ARB2A: variants seen among roughly 807,000 people sequenced by gnomAD.
The protein encoded by ARB2A is cotranscriptional regulator ARB2A.
chr5:93,725,809 T>G, the ARB2A span, among the ~76,000 whole-genome samples: 1 of 152,070 alleles, frequency 6.6e-6, no homozygotes, highest in Non-Finnish European at 1.5e-5. Context: ...AGGATTAATA[T>G]GAAGAACTAA....
the ARB2A span, among the ~76,000 whole-genome samples, chr5:94,105,257 A>G: frequency 1.3e-5 from 2 of 152,110 alleles, no homozygotes; most frequent in South Asian, 2.1e-4. Flanking sequence ...TCTCTACCCA[A>G]TGGTTCCTAG....
chr5:94,064,617 A>T, the ARB2A span, among the ~76,000 whole-genome samples: 4 of 152,236 alleles, frequency 2.6e-5, no homozygotes, highest in African/African-American at 7.2e-5. Context: ...CTTAGAAGGG[A>T]ACTTCTATCA....
the ARB2A span, among the ~76,000 whole-genome samples, chr5:93,811,158 T>C: frequency 6.6e-6 from 1 of 152,062 alleles, no homozygotes; most frequent in African/African-American, 2.4e-5. Context: ...TAGTTGGTAT[T>C]AGAAGACCGC....
the ARB2A span, among the ~76,000 whole-genome samples, chr5:93,642,537 AATTTTTTGT>A: frequency 6.6e-6 from 1 of 151,972 alleles, no homozygotes; most frequent in African/African-American, 2.4e-5. Context: ...ACGCCTGGCT[AATTTTTTGT>A]ATTTTTTGTA....
the ARB2A span, among the ~76,000 whole-genome samples, chr5:93,945,407 T>G: frequency 7.2e-6 from 1 of 139,314 alleles, no homozygotes; most frequent in African/African-American, 2.7e-5. Context: ...AGAGCAAGAT[T>G]CCATCTCAAA....
chr5:93,838,873 A>G, the ARB2A span, among the ~76,000 whole-genome samples: 1 of 152,094 alleles, frequency 6.6e-6, no homozygotes, highest in African/African-American at 2.4e-5. Context: ...TAGGAATGTT[A>G]CTTGTGTTTG....
the ARB2A span, among the ~76,000 whole-genome samples, chr5:93,887,950 G>T: frequency 3.3e-5 from 5 of 151,868 alleles, no homozygotes; most frequent in Admixed American, 3.3e-4. Context: ...AGGTGAAATT[G>T]TATCTTCCCT....
At chr5:93,624,094 TC>T in the ARB2A span, among the ~76,000 whole-genome samples, 1 of 152,146 alleles carries the variant, frequency 6.6e-6, no homozygotes, top group African/African-American at 2.4e-5. Flanking sequence ...AAAAAATACA[TC>T]ACTTTAGGGG....
chr5:94,090,489 C>T, the ARB2A span, among the ~76,000 whole-genome samples: 1 of 152,122 alleles, frequency 6.6e-6, no homozygotes, highest in African/African-American at 2.4e-5. Context: ...ATTTGACTTC[C>T]TCTCTTGCTA....
At chr5:93,824,211 C>G in the ARB2A span, 3 of 1,593,374 alleles carry the variant, frequency 1.9e-6, no homozygotes, top group Non-Finnish European at 2.6e-6. Flanking sequence ...CAGCAGCAGC[C>G]TGAGCTATGA....
the ARB2A span, among the ~76,000 whole-genome samples, chr5:93,840,112 T>C: frequency 6.6e-6 from 1 of 152,190 alleles, no homozygotes; most frequent in Non-Finnish European, 1.5e-5. Flanking sequence ...ATTTGATATC[T>C]TTTTAACTTT....
the ARB2A span, among the ~76,000 whole-genome samples, chr5:93,647,266 C>T: frequency 6.6e-6 from 1 of 152,110 alleles, no homozygotes; most frequent in Non-Finnish European, 1.5e-5. Flanking sequence ...TACTCTTTCA[C>T]CCAGAGCTAG....
At chr5:94,090,797 A>G in the ARB2A span, among the ~76,000 whole-genome samples, 1 of 152,126 alleles carries the variant, frequency 6.6e-6, no homozygotes, top group African/African-American at 2.4e-5. Context: ...GGTTTTTGTC[A>G]TTGGTTCTGT....
chr5:94,102,552 G>C, the ARB2A span, among the ~76,000 whole-genome samples: 1 of 152,040 alleles, frequency 6.6e-6, no homozygotes, highest in African/African-American at 2.4e-5. Context: ...TGACACATTG[G>C]CATCCCTGAA....
the ARB2A span, among the ~76,000 whole-genome samples, chr5:93,855,646 C>A: frequency 6.6e-6 from 1 of 152,094 alleles, no homozygotes; most frequent in African/African-American, 2.4e-5. Context: ...TCTTTTAGGG[C>A]AGGCCTGGTG....
the ARB2A span, among the ~76,000 whole-genome samples, chr5:93,656,459 T>C: frequency 6.6e-6 from 1 of 152,174 alleles, no homozygotes. Context: ...AACTGTGTAT[T>C]TGGTTAAAAA....
chr5:93,875,870 A>G, the ARB2A span, among the ~76,000 whole-genome samples: 17 of 151,922 alleles, frequency 1.1e-4, no homozygotes, highest in African/African-American at 4.1e-4. Context: ...GCAAAATCCG[A>G]TATGAACAGC....
At chr5:93,674,052 GA>G in the ARB2A span, among the ~76,000 whole-genome samples, 1 of 152,116 alleles carries the variant, frequency 6.6e-6, no homozygotes, top group South Asian at 2.1e-4. Context: ...AGTCTAATCG[GA>G]AACACTTAAG....
At chr5:94,058,515 G>A in the ARB2A span, among the ~76,000 whole-genome samples, 1 of 151,982 alleles carries the variant, frequency 6.6e-6, no homozygotes, top group Non-Finnish European at 1.5e-5. Context: ...ACCAAAGTGA[G>A]AACTGGAAGA....
Sources: allele counts gnomAD v4.1 joint callset (sites outside exome capture counted in the v4.1 genomes callset), GRCh38; gene constraint gnomAD v4.1.1; transcripts MANE v1.5; gene names NCBI Gene and HGNC (gene_info 2026-07-23, HGNC 2026-07-21).